TTC28: variants seen among roughly 807,000 people sequenced by gnomAD.
The protein encoded by TTC28 is tetratricopeptide repeat protein 28.
In TTC28, 61 loss-of-function variants were observed where a neutral mutation model predicts 198.0. That is an observed-to-expected ratio of 0.31 (90% CI 0.25 to 0.38). TTC28 has a LOEUF of 0.38. Among genes scored for constraint, TTC28 ranks in the 10% least tolerant of loss-of-function variants. TTC28 has a pLI of 1.00. For synonymous variants in TTC28, 1,171 were observed against 1,297.8 expected, an observed-to-expected ratio of 0.90 and a Z score of 2.10; for missense variants, 2,678 against 3,164.0, an observed-to-expected ratio of 0.85 and a Z score of 3.69.
intron 2 of TTC28, among the ~76,000 whole-genome samples, chr22:28,562,697 C>T (rs2049905648): frequency 6.6e-6 from 1 of 152,192 alleles, no homozygotes; most frequent in South Asian, 2.1e-4. Context: ...AGGTTTGGAG[C>T]TGACAAACAA....
chr22:28,222,325 A>G (rs964022432), intron 5 of TTC28, among the ~76,000 whole-genome samples: 4 of 152,036 alleles, frequency 2.6e-5, no homozygotes, highest in Non-Finnish European at 1.5e-5. Flanking sequence ...AAGAGGGAAA[A>G]TCCCAAGTTT....
At chr22:28,479,976 G>A (rs2048221927) in intron 2 of TTC28, among the ~76,000 whole-genome samples, 1 of 152,134 alleles carries the variant, frequency 6.6e-6, no homozygotes, top group African/African-American at 2.4e-5. Context: ...AAACTATAAA[G>A]AGATACCATT....
At chr22:28,467,936 C>A (rs780819354) in intron 2 of TTC28, among the ~76,000 whole-genome samples, 10 of 148,514 alleles carry the variant, frequency 6.7e-5, no homozygotes, top group Admixed American at 1.3e-4. Flanking sequence ...TAATTTTTTT[C>A]TTTTTTTTTT....
At chr22:28,049,094 C>T (rs1008990378) in intron 12 of TTC28, among the ~76,000 whole-genome samples, 5 of 152,162 alleles carry the variant, frequency 3.3e-5, no homozygotes, top group African/African-American at 1.2e-4. Context: ...CGGACCCTGT[C>T]TCAAGTCTCT....
At chr22:28,311,851 T>C (rs948458863) in intron 2 of TTC28, among the ~76,000 whole-genome samples, 1 of 152,012 alleles carries the variant, frequency 6.6e-6, no homozygotes, top group African/African-American at 2.4e-5. Flanking sequence ...CTAACCATCA[T>C]TCTACTCTAT....
At chr22:28,253,846 TG>T (rs1269017291) in intron 5 of TTC28, among the ~76,000 whole-genome samples, 2 of 152,112 alleles carry the variant, frequency 1.3e-5, no homozygotes, top group African/African-American at 4.8e-5. Context: ...GGCTCACGCC[TG>T]TAATCCCAGC....
At chr22:28,357,367 G>A (rs1389560558) in intron 2 of TTC28, among the ~76,000 whole-genome samples, 1 of 143,066 alleles carries the variant, frequency 7.0e-6, no homozygotes, top group Non-Finnish European at 1.5e-5. Flanking sequence ...AAGGGGTGGA[G>A]TACAGTGGTG....
intron 2 of TTC28, among the ~76,000 whole-genome samples, chr22:28,438,906 C>T (rs1298903246): frequency 6.6e-6 from 1 of 152,146 alleles, no homozygotes; most frequent in Non-Finnish European, 1.5e-5. Context: ...TATGTTTTAA[C>T]CATGACTTTC....
chr22:28,179,323 CT>C (rs1923481284), intron 5 of TTC28, among the ~76,000 whole-genome samples: 1 of 151,766 alleles, frequency 6.6e-6, no homozygotes, highest in South Asian at 2.1e-4. Context: ...CCATGCACAG[CT>C]AATTTTTTTT....
chr22:28,574,767 T>C (rs1308194648), intron 2 of TTC28, among the ~76,000 whole-genome samples: 2 of 152,218 alleles, frequency 1.3e-5, no homozygotes, highest in African/African-American at 4.8e-5. Flanking sequence ...TGCATTTTTC[T>C]GATAAACAAT....
At chr22:28,417,466 C>A (rs1224360858) in intron 2 of TTC28, among the ~76,000 whole-genome samples, 1 of 151,796 alleles carries the variant, frequency 6.6e-6, no homozygotes, top group Non-Finnish European at 1.5e-5. Flanking sequence ...CACAGTGAGA[C>A]CCCCATCTCA....
intron 1 of TTC28, among the ~76,000 whole-genome samples, chr22:28,647,567 T>C (rs1029100991): frequency 2.6e-5 from 4 of 152,058 alleles, no homozygotes; most frequent in African/African-American, 4.8e-5. Context: ...GGGCCAGGCG[T>C]GGTGGCTCAC....
In TTC28 at chr22:28,277,723, G is replaced by A. The variant is rs547265992; in HGVS notation, c.933+18475C>T. On this transcript the variant is annotated intron_variant, in intron 5 of 22. Transcript: ENST00000397906. ...ATAAGTATAACACTTATTATTAGCT[G>A]TGTAATGTTATGAAAAATCATCCAT... 2.0e-5 allele frequency among the ~76,000 whole-genome samples: 3 copies of A among 152,240 alleles called. No homozygotes were observed. The South Asian group carries it at 6.2e-4, about 32-fold the overall frequency.
chr22:28,011,104 A>G (rs1383191157), intron 14 of TTC28, among the ~76,000 whole-genome samples: 1 of 152,196 alleles, frequency 6.6e-6, no homozygotes, highest in African/African-American at 2.4e-5. Context: ...CAGATGCTTA[A>G]GTCCTTGGTA....
In TTC28 at chr22:28,289,672, G is replaced by A. The variant is rs114667019; in HGVS notation, c.933+6526C>T. Among the ~76,000 whole-genome samples the A allele has an allele frequency of 8.7e-3, 1,324 of 152,146 alleles. 17 individuals carry two copies. Among genetic ancestry groups the A allele is most frequent in the African/African-American group, 0.03 (1,250 of 41,512 alleles). On this transcript the variant is annotated intron_variant, in intron 5 of 22. Transcript: ENST00000397906. ...ATGATCACACTTGTGAATAGCCACC[G>A]CACTACAGCCTGAGCAATGTAGCAA...
intron 5 of TTC28, among the ~76,000 whole-genome samples, chr22:28,211,895 A>G (rs1206712887): frequency 1.3e-5 from 2 of 152,208 alleles, no homozygotes; most frequent in Non-Finnish European, 1.5e-5. Context: ...AGCACTCCTC[A>G]GCAAATGTAA....
chr22:28,161,027 T>C (rs913138952), intron 6 of TTC28, among the ~76,000 whole-genome samples: 2 of 152,150 alleles, frequency 1.3e-5, no homozygotes, highest in Non-Finnish European at 2.9e-5. Flanking sequence ...ATCTTCTAAC[T>C]CAGCCATGAA....
intron 5 of TTC28, among the ~76,000 whole-genome samples, chr22:28,232,454 A>G (rs535730069): frequency 9.2e-5 from 14 of 152,348 alleles, no homozygotes; most frequent in African/African-American, 3.1e-4. Flanking sequence ...ATCTTGACAG[A>G]GAGACCCTAG....
intron 2 of TTC28, among the ~76,000 whole-genome samples, chr22:28,452,988 G>T (rs781129133): frequency 6.6e-6 from 1 of 152,196 alleles, no homozygotes; most frequent in African/African-American, 2.4e-5. Context: ...TCACCAGTGC[G>T]AGAGGATCTC....
Sources: gnomAD v4.1 joint callset for allele counts (sites outside exome capture counted in the v4.1 genomes callset) on GRCh38, gnomAD v4.1.1 for gene constraint, MANE v1.5 for transcripts, NCBI Gene and HGNC (gene_info 2026-07-23, HGNC 2026-07-21) for gene names.